RIT2: variants seen among roughly 807,000 people sequenced by gnomAD.
RIT2 encodes the protein GTP-binding protein Rit2.
In RIT2, 24 loss-of-function variants were observed where a neutral mutation model predicts 23.7. The ratio of observed to expected loss-of-function variants is 1.01; its 90% CI spans 0.73 to 1.43. RIT2 has a LOEUF of 1.43. RIT2 is among the 40% of genes most tolerant of loss of function. RIT2 has a pLI of 0.00. For synonymous variants in RIT2, 107 were observed against 91.1 expected (o/e 1.17, Z -0.99); for missense variants, 236 against 266.9 (o/e 0.88, Z 0.81).
At chr18:43,042,887 AT>A (rs1328445788) in intron 1 of RIT2, among the ~76,000 whole-genome samples, 1 of 152,206 alleles carries the variant, frequency 6.6e-6, no homozygotes, top group Non-Finnish European at 1.5e-5. Flanking sequence ...ATAAACATTT[AT>A]TATGGTAGGT....
At chr18:42,871,658 C>T (rs1406926282) in intron 4 of RIT2, among the ~76,000 whole-genome samples, 3 of 152,130 alleles carry the variant, frequency 2.0e-5, no homozygotes, top group African/African-American at 7.2e-5. Context: ...CTCATTATTC[C>T]TCAGCCTGGG....
At chr18:43,062,337 G>T (rs1912667557) in intron 1 of RIT2, among the ~76,000 whole-genome samples, 3 of 152,074 alleles carry the variant, frequency 2.0e-5, no homozygotes, top group African/African-American at 2.4e-5. Context: ...TCCTTAAGAT[G>T]GGCAGCTGTG....
rs1908525737 is a variant in RIT2 at position 42,903,288 on chromosome 18, A to G, written c.426+20284T>C. Among the ~76,000 whole-genome samples the G allele has an allele frequency of 2.6e-5, 4 of 152,094 alleles. No individual in the cohort carries two copies. In the South Asian group the frequency reaches 8.3e-4, roughly 31 times the overall value. The stretch of plus-strand genomic sequence containing the variant: ...AGAAAACAGGTTAATAGGTTGATAG[A>G]TAGCTACACTTGTTTCTACAGCCCC... On this transcript the variant is annotated intron_variant, in intron 4 of 4. Coordinates refer to ENST00000326695, the MANE Select transcript of RIT2 (RefSeq NM_002930.4).
chr18:42,966,270 A>T lies in RIT2; in HGVS notation c.234+7804T>A, dbSNP rs542347676. Among the ~76,000 whole-genome samples the T allele has an allele frequency of 6.6e-5, 10 of 152,280 alleles. No homozygotes were observed. The East Asian group carries it at 1.2e-3, about 18-fold the overall frequency. ...AAGTTCTTTCATTGTCCAACACAAAAATGAAATGCTGAAGGAAATGCTTTG... is the reference window on the plus strand; with the variant it reads ...AAGTTCTTTCATTGTCCAACACAAATATGAAATGCTGAAGGAAATGCTTTG... On this transcript the variant is annotated intron_variant, in intron 3 of 4. Coordinates refer to ENST00000326695, the MANE Select transcript of RIT2 (RefSeq NM_002930.4).
chr18:42,845,124 C>A (rs572084938), intron 4 of RIT2, among the ~76,000 whole-genome samples: 2 of 151,842 alleles, frequency 1.3e-5, no homozygotes, highest in Admixed American at 6.6e-5. Context: ...AAAAAAAAAT[C>A]TTGATGACAA....
chr18:42,922,191 G>A (rs555794738), intron 4 of RIT2, among the ~76,000 whole-genome samples: 1 of 152,196 alleles, frequency 6.6e-6, no homozygotes, highest in African/African-American at 2.4e-5. Flanking sequence ...TACGTTCCCG[G>A]TTAAACATCA....
intron 4 of RIT2, among the ~76,000 whole-genome samples, chr18:42,835,479 T>C (rs1906571437): frequency 6.6e-6 from 1 of 152,142 alleles, no homozygotes; most frequent in Non-Finnish European, 1.5e-5. Flanking sequence ...GTCCATTCTA[T>C]TTATATAATA....
chr18:43,049,200 G>A (rs1316353298), intron 1 of RIT2, among the ~76,000 whole-genome samples: 1 of 152,164 alleles, frequency 6.6e-6, no homozygotes, highest in Non-Finnish European at 1.5e-5. Context: ...TCCAAAGACA[G>A]TGTGTAGTTC....
intron 3 of RIT2, among the ~76,000 whole-genome samples, chr18:42,947,155 T>C (rs935268991): frequency 1.3e-5 from 2 of 152,084 alleles, no homozygotes; most frequent in African/African-American, 4.8e-5. Context: ...TTTAGACATA[T>C]GGATATGGGG....
At position 42,743,375 on chromosome 18, in the gene RIT2, A is replaced by C; in HGVS notation, c.*118T>G. The stretch of plus-strand genomic sequence containing the variant: ...ATATGCAGAGCTTGCTTTTACCTAC[A>C]GGCAGATATTTAAAGAGAGAGAGAC... On this transcript the variant is annotated 3_prime_UTR_variant, in exon 5 of 5. Transcript: ENST00000326695. The C allele has an allele frequency of 2.7e-6, 2 of 754,036 alleles. No individual in the cohort carries two copies. Among genetic ancestry groups the C allele is most frequent in the Non-Finnish European group, 4.4e-6 (2 of 457,534 alleles). The allele number at this position is 754,036 out of a possible 1,614,324, so 46.7% of individuals were successfully genotyped here. A position where few individuals can be genotyped will look rare whatever the true frequency, so the allele number is the denominator to read the frequency against.
intron 4 of RIT2, among the ~76,000 whole-genome samples, chr18:42,911,529 T>C (rs1477583096): frequency 6.6e-6 from 1 of 152,100 alleles, no homozygotes; most frequent in Non-Finnish European, 1.5e-5. Flanking sequence ...AGTGAATATG[T>C]TAATTTGTTT....
intron 4 of RIT2, among the ~76,000 whole-genome samples, chr18:42,781,821 T>G (rs2143933005): frequency 6.6e-6 from 1 of 152,330 alleles, no homozygotes; most frequent in East Asian, 1.9e-4. Flanking sequence ...GAATCCCTTC[T>G]ATTACAGTTG....
At chr18:43,016,543 T>C (rs1911479508) in intron 2 of RIT2, among the ~76,000 whole-genome samples, 3 of 151,748 alleles carry the variant, frequency 2.0e-5, no homozygotes, top group Admixed American at 6.6e-5. Context: ...TAAAACATTA[T>C]AAAATAAGAC....
At chr18:43,082,002 T>C (rs764763788) in intron 1 of RIT2, among the ~76,000 whole-genome samples, 1 of 152,172 alleles carries the variant, frequency 6.6e-6, no homozygotes, top group Non-Finnish European at 1.5e-5. Context: ...CATAACTTGT[T>C]TAAGATAGTC....
intron 1 of RIT2, among the ~76,000 whole-genome samples, chr18:43,054,848 G>T (rs987576833): frequency 6.6e-6 from 1 of 152,042 alleles, no homozygotes; most frequent in African/African-American, 2.4e-5. Flanking sequence ...ATTCATAAAA[G>T]TTTGTTTGTG....
At chr18:42,987,961 A>G (rs553090558) in intron 2 of RIT2, among the ~76,000 whole-genome samples, 57 of 152,324 alleles carry the variant, frequency 3.7e-4, no homozygotes, top group African/African-American at 1.3e-3. Flanking sequence ...ATCCACCCGC[A>G]TGACCCAGAC....
At chr18:42,924,046 T>C (rs969475926) in intron 3 of RIT2, among the ~76,000 whole-genome samples, 1 of 152,086 alleles carries the variant, frequency 6.6e-6, no homozygotes, top group Non-Finnish European at 1.5e-5. Flanking sequence ...TTAAATTTAT[T>C]TGAACCCAGG....
intron 4 of RIT2, among the ~76,000 whole-genome samples, chr18:42,889,036 T>G (rs1177403678): frequency 6.6e-6 from 1 of 152,102 alleles, no homozygotes; most frequent in African/African-American, 2.4e-5. Context: ...TCTGCACATG[T>G]GCCCCCCTGT....
intron 1 of RIT2, among the ~76,000 whole-genome samples, chr18:43,083,082 AAT>A (rs1913195793): frequency 1.3e-5 from 2 of 152,312 alleles, no homozygotes; most frequent in African/African-American, 4.8e-5. Context: ...CCTATATACC[AAT>A]AATAGACAAA....
Sources: allele counts gnomAD v4.1 joint callset (sites outside exome capture counted in the v4.1 genomes callset), GRCh38; gene constraint gnomAD v4.1.1; transcripts MANE v1.5; gene names NCBI Gene and HGNC (gene_info 2026-07-23, HGNC 2026-07-21).